Variants in CCNY observed in about 807,000 individuals in gnomAD.
CCNY encodes the protein cyclin-Y.
CCNY carries 19 observed loss-of-function variants against 42.8 expected under a neutral mutation model. The observed-to-expected ratio is 0.44, with a 90% CI of 0.31 to 0.65. The LOEUF is 0.65. Ranked by LOEUF, CCNY falls within the 30% of genes least tolerant of loss-of-function variation. The pLI is 0.07. For synonymous variants in CCNY, 165 were observed against 162.7 expected (o/e 1.01, Z -0.11); for missense variants, 370 against 437.3 (o/e 0.85, Z 1.37).
At chr10:35,486,224 C>A (rs1220635166) in intron 2 of CCNY, among the ~76,000 whole-genome samples, 1 of 152,204 alleles carries the variant, frequency 6.6e-6, no homozygotes, top group Non-Finnish European at 1.5e-5. Flanking sequence ...GCTGGAGATA[C>A]ATTTCTTCCC....
intron 7 of CCNY, among the ~76,000 whole-genome samples, chr10:35,532,656 G>T (rs539226974): frequency 6.6e-6 from 1 of 152,222 alleles, no homozygotes; most frequent in South Asian, 2.1e-4. Flanking sequence ...GATGAGTTAT[G>T]TAGAGGCCTT....
At position 35,329,073 on chromosome 10, in the gene CCNY, T is replaced by C. The variant is rs1392681502; in HGVS notation, c.-9+78447T>C. ...GATCACAGAATGACCAAAAGTTCTC[T>C]AGGTTTGGAACATCGATAAGGAAAC... On this transcript the variant is annotated intron_variant, in intron 3 of 11. Coordinates refer to the CCNY transcript ENST00000374706. Among the ~76,000 whole-genome samples the C allele has an allele frequency of 5.3e-5, 8 of 152,250 alleles. No individual in the cohort carries two copies. The South Asian group carries it at 1.2e-3, about 24-fold the overall frequency.
intron 1 of CCNY, among the ~76,000 whole-genome samples, chr10:35,355,476 A>G (rs1312547961): frequency 1.3e-5 from 2 of 151,852 alleles, no homozygotes; most frequent in East Asian, 1.9e-4. Flanking sequence ...TCAGGAGTTC[A>G]AGACCAGCCT....
In CCNY at chr10:35,475,906, G is replaced by C. The variant is rs1454225752; in HGVS notation, c.155-7498G>C. 5.5e-4 allele frequency among the ~76,000 whole-genome samples: 84 copies of C among 151,634 alleles called. 2 individuals carry two copies. Among genetic ancestry groups the C allele is most frequent in the Admixed American group, 5.3e-3 (81 of 15,244 alleles). ...ATTCAGGAAACCCATCTCACGTGCA[G>C]AGACACACATAGGCTCAAAATAAAA... On this transcript the variant is annotated intron_variant, in intron 1 of 9. Coordinates refer to ENST00000374704, the MANE Select transcript of CCNY (RefSeq NM_145012.6).
intron 1 of CCNY, among the ~76,000 whole-genome samples, chr10:35,480,330 TC>T (rs1431027472): frequency 6.6e-6 from 1 of 152,166 alleles, no homozygotes; most frequent in Non-Finnish European, 1.5e-5. Context: ...TGAGACATAA[TC>T]CTGCTGCTTG....
chr10:35,402,836 A>G (rs1323804547), intron 1 of CCNY, among the ~76,000 whole-genome samples: 3 of 152,182 alleles, frequency 2.0e-5, no homozygotes, highest in Non-Finnish European at 4.4e-5. Context: ...AGGAGCCACT[A>G]AATACCAAGA....
intron 1 of CCNY, among the ~76,000 whole-genome samples, chr10:35,363,691 C>T (rs750106734): frequency 9.2e-5 from 14 of 152,250 alleles, no homozygotes; most frequent in African/African-American, 3.1e-4. Context: ...ACGACCTCCC[C>T]GAGACTGACA....
At chr10:35,474,637 A>C (rs1299705553) in intron 1 of CCNY, among the ~76,000 whole-genome samples, 1 of 152,012 alleles carries the variant, frequency 6.6e-6, no homozygotes, top group African/African-American at 2.4e-5. Flanking sequence ...CACACCAAAA[A>C]CCCATCTGTA....
At chr10:35,354,184 C>CTTTT (rs549476804) in intron 1 of CCNY, among the ~76,000 whole-genome samples, 1 of 131,498 alleles carries the variant, frequency 7.6e-6, no homozygotes, top group African/African-American at 2.8e-5. Flanking sequence ...CATACATAGT[C>CTTTT]TTTTTTTTTT....
chr10:35,256,949 T>C (rs2095715991), intron 3 of CCNY, among the ~76,000 whole-genome samples: 1 of 152,116 alleles, frequency 6.6e-6, no homozygotes, highest in South Asian at 2.1e-4. Context: ...TTGACTAATT[T>C]TTAAAAATGT....
chr10:35,454,772 C>T (rs1288783042), intron 1 of CCNY, among the ~76,000 whole-genome samples: 1 of 152,168 alleles, frequency 6.6e-6, no homozygotes, highest in South Asian at 2.1e-4. Flanking sequence ...GTGGAATTGT[C>T]CTCCTTACCA....
At chr10:35,528,071 A>C (rs1840688680) in intron 5 of CCNY, among the ~76,000 whole-genome samples, 1 of 152,138 alleles carries the variant, frequency 6.6e-6, no homozygotes, top group Admixed American at 6.5e-5. Context: ...GGATGCTTTC[A>C]GGGGCTCTCA....
chr10:35,275,499 CA>C (rs1357161281), intron 3 of CCNY, among the ~76,000 whole-genome samples: 4 of 151,884 alleles, frequency 2.6e-5, no homozygotes, highest in Admixed American at 2.0e-4. Context: ...CGCGGTGGCT[CA>C]CACCTGTAAT....
intron 1 of CCNY, among the ~76,000 whole-genome samples, chr10:35,348,654 C>G (rs989204114): frequency 6.6e-6 from 1 of 152,214 alleles, no homozygotes; most frequent in African/African-American, 2.4e-5. Flanking sequence ...TAGCAGGGCT[C>G]TGAAAGCCCG....
At chr10:35,328,332 G>T (rs1835902489) in intron 3 of CCNY, among the ~76,000 whole-genome samples, 1 of 152,158 alleles carries the variant, frequency 6.6e-6, no homozygotes, top group Non-Finnish European at 1.5e-5. Context: ...CCCAAATCCT[G>T]GGGCTGATAC....
At chr10:35,402,999 C>T (rs569912853) in intron 1 of CCNY, among the ~76,000 whole-genome samples, 2 of 152,206 alleles carry the variant, frequency 1.3e-5, no homozygotes, top group Admixed American at 6.5e-5. Flanking sequence ...AAGGTCTCTA[C>T]CCATCTAGTG....
rs188603878 is a variant in CCNY at position 35,268,305 on chromosome 10, G to A, written c.-9+17679G>A. 1.6e-4 allele frequency among the ~76,000 whole-genome samples: 24 copies of A among 152,260 alleles called. No homozygotes were observed. The East Asian group carries it at 4.4e-3, about 28-fold the overall frequency. On this transcript the variant is annotated intron_variant, in intron 3 of 11. Transcript: ENST00000374706. ...GAGGCAGGTGGGTCACTTGAGGTCA[G>A]GAGTTCGAGAACAGCCTGGCCAACA...
chr10:35,406,133 G>A (rs966355267), intron 1 of CCNY, among the ~76,000 whole-genome samples: 15 of 149,886 alleles, frequency 1.0e-4, no homozygotes, highest in African/African-American at 3.7e-4. Flanking sequence ...GGTTAATTAA[G>A]TCCTGTTGTG....
chr10:35,521,444 G>A (rs899790328), intron 4 of CCNY, among the ~76,000 whole-genome samples: 1 of 152,172 alleles, frequency 6.6e-6, no homozygotes, highest in East Asian at 1.9e-4. Context: ...TCTGTGGCTC[G>A]CCAGGGTTAA....
Sources: gnomAD v4.1 joint callset for allele counts (sites outside exome capture counted in the v4.1 genomes callset) on GRCh38, gnomAD v4.1.1 for gene constraint, MANE v1.5 for transcripts, NCBI Gene and HGNC (gene_info 2026-07-23, HGNC 2026-07-21) for gene names.